The following DOK5 variants were observed in gnomAD, a reference collection of about 807,000 sequenced individuals.
DOK5 encodes docking protein 5.
In DOK5, 27 loss-of-function variants were observed where a neutral mutation model predicts 43.3. The ratio of observed to expected loss-of-function variants is 0.62; its 90% CI spans 0.46 to 0.86. DOK5 has a LOEUF of 0.86. Ranked by LOEUF, DOK5 falls within the 40% of genes least tolerant of loss-of-function variation. The pLI is 0.00. For synonymous variants in DOK5, 146 were observed against 140.1 expected (o/e 1.04, Z -0.30); for missense variants, 373 against 392.9 (o/e 0.95, Z 0.43).
chr20:54,583,635 CCTT>C (rs1048375528), intron 2 of DOK5, among the ~76,000 whole-genome samples: 3 of 151,860 alleles, frequency 2.0e-5, no homozygotes, highest in African/African-American at 7.3e-5. Flanking sequence ...ATTATAGTGT[CCTT>C]CTTTGTCTCT....
chr20:54,632,652 G>A (rs751821073), intron 6 of DOK5, among the ~76,000 whole-genome samples: 1 of 152,156 alleles, frequency 6.6e-6, no homozygotes, highest in South Asian at 2.1e-4. Context: ...TGACTTTCAC[G>A]TGGGCTCTTA....
Position 54,475,903 on chromosome 20 carries a change from G to C in DOK5, c.-44G>C. ...CCTCCACCCTCCCCAGAGCCACTTC[G>C]GGTGCGCGCTCTTGGGTAAAGGGGG... On this transcript the variant is annotated 5_prime_UTR_variant, in exon 1 of 8. Transcript: ENST00000262593. This position sits in a 1 kb window ranked among gnomAD's most constrained non-coding sequence, Gnocchi z 4.2. The C allele has an allele frequency of 1.2e-6, 2 of 1,608,122 alleles. No individual in the cohort carries two copies. Among genetic ancestry groups the C allele is most frequent in the East Asian group, 2.2e-5 (1 of 44,762 alleles).
intron 5 of DOK5, among the ~76,000 whole-genome samples, chr20:54,607,597 G>A (rs1276567396): frequency 1.3e-5 from 2 of 152,128 alleles, no homozygotes; most frequent in African/African-American, 4.8e-5. Flanking sequence ...TTAAAAGTGG[G>A]CATTGGGGGC....
intron 1 of DOK5, among the ~76,000 whole-genome samples, chr20:54,522,104 T>C (rs1366744818): frequency 6.6e-6 from 1 of 152,190 alleles, no homozygotes; most frequent in Non-Finnish European, 1.5e-5. Context: ...CAGTGCCTAA[T>C]ACACCACAGA....
chr20:54,608,423 AC>A (rs926495038), intron 5 of DOK5, among the ~76,000 whole-genome samples: 9 of 152,226 alleles, frequency 5.9e-5, no homozygotes. Flanking sequence ...TGGATGCCAA[AC>A]AATAGAGTCA....
chr20:54,547,720 C>A (rs996377267), intron 1 of DOK5, among the ~76,000 whole-genome samples: 11 of 152,284 alleles, frequency 7.2e-5, no homozygotes, highest in South Asian at 2.1e-4. Flanking sequence ...ATCACCACCA[C>A]CAACAACAAA....
chr20:54,650,699 T>C lies in DOK5; in HGVS notation c.*220T>C, dbSNP rs1034368312. On this transcript the variant is annotated 3_prime_UTR_variant, in exon 8 of 8. Coordinates refer to ENST00000262593, the MANE Select transcript of DOK5 (RefSeq NM_018431.5). Reference sequence around the variant, plus strand: ...TAATTGAAACGTGCTCTATAGATATTGACTCTGTGTTCCCTCTTTTACAGC... The same window carrying C: ...TAATTGAAACGTGCTCTATAGATATCGACTCTGTGTTCCCTCTTTTACAGC... 1.2e-5 allele frequency: 5 copies of C among 433,686 alleles called. No homozygotes were observed. In the Admixed American group the frequency reaches 2.0e-4, roughly 18 times the overall value. The allele number at this position is 433,686 out of a possible 1,614,324, so 26.9% of individuals were successfully genotyped here. A position where few individuals can be genotyped will look rare whatever the true frequency, so the allele number is the denominator to read the frequency against.
intron 1 of DOK5, among the ~76,000 whole-genome samples, chr20:54,546,118 GA>G (rs962660701): frequency 6.6e-6 from 1 of 152,250 alleles, no homozygotes; most frequent in South Asian, 2.1e-4. Context: ...TTTTGACCTT[GA>G]GTAAGATGCT....
At chr20:54,627,428 G>T (rs1978346832) in intron 6 of DOK5, among the ~76,000 whole-genome samples, 1 of 152,158 alleles carries the variant, frequency 6.6e-6, no homozygotes, top group Non-Finnish European at 1.5e-5. Flanking sequence ...CATATTAGTA[G>T]ATCCATTTCA....
chr20:54,620,029 G>A (rs1986931949), intron 6 of DOK5, among the ~76,000 whole-genome samples: 1 of 151,646 alleles, frequency 6.6e-6, no homozygotes, highest in African/African-American at 2.4e-5. Context: ...TATGGGCTCT[G>A]GTTAATTGGG....
intron 5 of DOK5, 148 bp downstream of exon 5, chr20:54,591,953 A>G: frequency 1.6e-6 from 1 of 630,424 alleles, no homozygotes; most frequent in Non-Finnish European, 2.6e-6. Context: ...GCGATTACAT[A>G]ATATGAGGGG....
intron 7 of DOK5, among the ~76,000 whole-genome samples, chr20:54,644,711 A>ACAAACAAACAAAC (rs1979299516): frequency 1.0e-4 from 4 of 39,018 alleles, no homozygotes; most frequent in South Asian, 2.0e-3. Flanking sequence ...GTCTCAAAAA[A>ACAAACAAACAAAC]AAAAAAAAAA....
chr20:54,641,566 C>T (rs1979117464), intron 6 of DOK5, among the ~76,000 whole-genome samples: 1 of 120,858 alleles, frequency 8.3e-6, no homozygotes, highest in Admixed American at 8.4e-5. Context: ...TCATCATCAT[C>T]ATCATCATCA....
At chr20:54,536,159 G>A (rs1600686884) in intron 1 of DOK5, among the ~76,000 whole-genome samples, 1 of 152,214 alleles carries the variant, frequency 6.6e-6, no homozygotes, top group Admixed American at 6.5e-5. Context: ...AAATCAGTAA[G>A]CAAAATAATT....
At chr20:54,485,348 C>T (rs866964332) in intron 1 of DOK5, among the ~76,000 whole-genome samples, 4 of 136,154 alleles carry the variant, frequency 2.9e-5, no homozygotes, top group African/African-American at 5.8e-5. Flanking sequence ...AGTAAGACTC[C>T]GTCTCAAAAA....
intron 1 of DOK5, among the ~76,000 whole-genome samples, chr20:54,509,104 G>A (rs534805948): frequency 1.3e-4 from 20 of 152,234 alleles, no homozygotes; most frequent in African/African-American, 4.3e-4. Flanking sequence ...TTGAACTCCC[G>A]ACCTCAAGTG....
intron 2 of DOK5, among the ~76,000 whole-genome samples, chr20:54,580,002 C>T (rs903642701): frequency 7.2e-5 from 11 of 152,106 alleles, no homozygotes; most frequent in African/African-American, 2.2e-4. Context: ...CCTTGTTCAC[C>T]TCCCACTTAG....
intron 1 of DOK5, among the ~76,000 whole-genome samples, chr20:54,547,992 T>G (rs1356745109): frequency 1.3e-5 from 2 of 152,194 alleles, no homozygotes; most frequent in Non-Finnish European, 2.9e-5. Context: ...GAGACAATTT[T>G]GGTTTTCAGT....
At chr20:54,624,246 T>C (rs964064538) in intron 6 of DOK5, among the ~76,000 whole-genome samples, 3 of 152,338 alleles carry the variant, frequency 2.0e-5, no homozygotes, top group Non-Finnish European at 4.4e-5. Flanking sequence ...CCCTGGCATG[T>C]GCTTGGCATC....
Sources: allele counts gnomAD v4.1 joint callset (sites outside exome capture counted in the v4.1 genomes callset), GRCh38; gene constraint gnomAD v4.1.1; non-coding constraint Gnocchi (gnomAD v3.1); transcripts MANE v1.5; gene names NCBI Gene and HGNC (gene_info 2026-07-23, HGNC 2026-07-21).